Variants in TMC1 observed in about 807,000 individuals in gnomAD.
TMC1 encodes the protein transmembrane channel-like protein 1.
In TMC1, 84 loss-of-function variants were observed where a neutral mutation model predicts 105.8. The ratio of observed to expected loss-of-function variants is 0.79; its 90% CI spans 0.67 to 0.95. The LOEUF (loss-of-function observed/expected upper bound fraction) is 0.95, where lower values mean the gene tolerates loss of function less well. Among genes scored for constraint, TMC1 ranks in the 40% least tolerant of loss-of-function variants. TMC1 has a pLI of 0.00. For synonymous variants in TMC1, 315 were observed against 311.5 expected, an observed-to-expected ratio of 1.01 and a Z score of -0.12; for missense variants, 817 against 914.1, an observed-to-expected ratio of 0.89 and a Z score of 1.37.
chr9:72,691,936 G>A (rs1826472024), intron 6 of TMC1, among the ~76,000 whole-genome samples: 2 of 152,162 alleles, frequency 1.3e-5, no homozygotes, highest in Admixed American at 1.3e-4. Context: ...ATGGCCCTGG[G>A]CCATTTAGAA....
intron 3 of TMC1, among the ~76,000 whole-genome samples, chr9:72,624,612 A>G (rs187019291): frequency 9.9e-5 from 15 of 152,274 alleles, no homozygotes; most frequent in Admixed American, 3.3e-4. Context: ...TCAAGTGAGG[A>G]TGAAATGCAA....
At chr9:72,833,511 G>A (rs2118341058) in intron 23 of TMC1, among the ~76,000 whole-genome samples, 1 of 152,222 alleles carries the variant, frequency 6.6e-6, no homozygotes, top group East Asian at 1.9e-4. Flanking sequence ...TCATTCAACA[G>A]GATCTCTGTC....
At chr9:72,524,690 A>T (rs1448838443) in intron 1 of TMC1, among the ~76,000 whole-genome samples, 1 of 152,214 alleles carries the variant, frequency 6.6e-6, no homozygotes, top group Non-Finnish European at 1.5e-5. Context: ...ATTCATTCTT[A>T]TGGTAGATAA....
At chr9:72,687,080 C>T (rs528480372) in intron 5 of TMC1, among the ~76,000 whole-genome samples, 189 of 152,066 alleles carry the variant, frequency 1.2e-3, no homozygotes, top group African/African-American at 4.3e-3. Context: ...CTAAAGATTT[C>T]CTTATATTTT....
At chr9:72,774,996 T>C (rs7859898) in intron 13 of TMC1, among the ~76,000 whole-genome samples, 10,628 of 152,222 alleles carry the variant, frequency 0.07, 435 homozygotes, top group African/African-American at 0.11. Context: ...GTCTGCATAC[T>C]CATCCACAAA....
At chr9:72,801,313 T>C (rs1330287) in intron 17 of TMC1, among the ~76,000 whole-genome samples, 10,272 of 152,266 alleles carry the variant, frequency 0.067, 409 homozygotes, top group African/African-American at 0.1. Context: ...ATGGCTAATG[T>C]GCCAAGTATT....
intron 5 of TMC1, among the ~76,000 whole-genome samples, chr9:72,653,082 T>C (rs1397473428): frequency 1.3e-5 from 2 of 152,238 alleles, no homozygotes; most frequent in African/African-American, 4.8e-5. Flanking sequence ...GGATTATAAA[T>C]TCTCATAGAA....
At chr9:72,603,843 C>A (rs958923305) in intron 2 of TMC1, among the ~76,000 whole-genome samples, 11 of 141,500 alleles carry the variant, frequency 7.8e-5, no homozygotes, top group Admixed American at 7.3e-4. Flanking sequence ...CCACTGCGAC[C>A]GGCTGTTTTT....
intron 1 of TMC1, among the ~76,000 whole-genome samples, chr9:72,544,013 G>A (rs1236496460): frequency 6.8e-6 from 1 of 146,034 alleles, no homozygotes; most frequent in Non-Finnish European, 1.5e-5. Flanking sequence ...GTGCAGTGGC[G>A]TGATCTTGGC....
At chr9:72,623,382 C>T (rs548660694) in intron 3 of TMC1, among the ~76,000 whole-genome samples, 62 of 152,206 alleles carry the variant, frequency 4.1e-4, no homozygotes, top group African/African-American at 1.4e-3. Flanking sequence ...TCTATGGGCT[C>T]TGCCAAACAG....
chr9:72,696,253 C>G (rs974559359), intron 7 of TMC1, among the ~76,000 whole-genome samples: 3 of 152,176 alleles, frequency 2.0e-5, no homozygotes, highest in African/African-American at 7.2e-5. Flanking sequence ...GTGGCTATGA[C>G]AGTGTCTCTT....
At chr9:72,757,875 G>A (rs989884148) in intron 12 of TMC1, among the ~76,000 whole-genome samples, 14 of 152,130 alleles carry the variant, frequency 9.2e-5, no homozygotes, top group African/African-American at 2.9e-4. Context: ...AACCGAATTG[G>A]GATGCAGGGC....
intron 1 of TMC1, among the ~76,000 whole-genome samples, chr9:72,555,650 T>C (rs1362586081): frequency 6.6e-6 from 1 of 151,938 alleles, no homozygotes; most frequent in East Asian, 1.9e-4. Context: ...AGACGGAGTC[T>C]TGCTCTGTCA....
chr9:72,753,286 C>CTTTTTTTTTTTT (rs5898269), intron 11 of TMC1, among the ~76,000 whole-genome samples: 4 of 81,828 alleles, frequency 4.9e-5, no homozygotes, highest in East Asian at 4.2e-4. Flanking sequence ...TTAACCCCAG[C>CTTTTTTTTTTTT]TTTTTTTTTT....
At chr9:72,773,115 C>T (rs1827956108) in intron 13 of TMC1, among the ~76,000 whole-genome samples, 1 of 152,086 alleles carries the variant, frequency 6.6e-6, no homozygotes, top group Admixed American at 6.5e-5. Context: ...AAGAATTTCA[C>T]TGGAGAACTG....
intron 9 of TMC1, among the ~76,000 whole-genome samples, chr9:72,742,166 T>C (rs1002800269): frequency 3.3e-5 from 5 of 152,244 alleles, no homozygotes. Flanking sequence ...TGCTTTCTTA[T>C]TGTGTTATAT....
At chr9:72,620,218 T>C (rs1825221840) in intron 3 of TMC1, among the ~76,000 whole-genome samples, 1 of 151,994 alleles carries the variant, frequency 6.6e-6, no homozygotes, top group African/African-American at 2.4e-5. Flanking sequence ...ATGTCAAAAG[T>C]ACAAAATGTG....
rs114155564 is a variant in TMC1 at position 72,568,584 on chromosome 9, T to C, written c.-427-9318T>C. On this transcript the variant is annotated intron_variant, in intron 1 of 23. Transcript: ENST00000297784. ...AAAGAAACTTACACTGTAAGCTTTA[T>C]AGTTATGAAATCATGATTGCTTACC... 4.0e-3 allele frequency among the ~76,000 whole-genome samples: 615 copies of C among 152,340 alleles called. 4 individuals carry two copies. The highest frequency in any genetic ancestry group is 0.014 in the African/African-American group (585 of 41,586).
intron 18 of TMC1, among the ~76,000 whole-genome samples, chr9:72,807,463 C>T (rs12377328): frequency 7.9e-5 from 12 of 152,152 alleles, no homozygotes; most frequent in Non-Finnish European, 1.6e-4. Context: ...TTACAATATT[C>T]TAGTAAAATT....
Sources: gnomAD v4.1 joint callset for allele counts (sites outside exome capture counted in the v4.1 genomes callset) on GRCh38, gnomAD v4.1.1 for gene constraint, MANE v1.5 for transcripts, NCBI Gene and HGNC (gene_info 2026-07-23, HGNC 2026-07-21) for gene names.